Variants in ARRB1 observed in about 807,000 individuals in gnomAD.
ARRB1 encodes arrestin beta 1.
Under a neutral mutation model 56.8 loss-of-function variants are expected in ARRB1, and 21 were observed. That is an observed-to-expected ratio of 0.37 (90% CI 0.26 to 0.53). ARRB1 has a LOEUF of 0.53. Ranked by LOEUF, ARRB1 falls within the 20% of genes least tolerant of loss-of-function variation. The pLI, the probability that ARRB1 is intolerant of heterozygous loss-of-function variation, is 0.88. For synonymous variants in ARRB1, 210 were observed against 218.6 expected, an observed-to-expected ratio of 0.96 and a Z score of 0.35; for missense variants, 424 against 553.7, an observed-to-expected ratio of 0.77 and a Z score of 2.35.
intron 1 of ARRB1, among the ~76,000 whole-genome samples, chr11:75,308,205 T>G (rs557118125): frequency 3.3e-5 from 5 of 152,214 alleles, no homozygotes; most frequent in African/African-American, 1.2e-4. Flanking sequence ...CAAAGTACTT[T>G]GCCGACACTT....
intron 6 of ARRB1, chr11:75,281,710 C>T (rs1946346460): frequency 3.9e-6 from 2 of 518,554 alleles, no homozygotes; most frequent in Admixed American, 3.3e-5. Flanking sequence ...CACTTTGGTC[C>T]TGTTGCAGCC....
Position 75,288,063 on chromosome 11 carries a change from A to T in ARRB1, c.52-688T>A, listed in dbSNP as rs34415295. 7.3e-3 allele frequency among the ~76,000 whole-genome samples: 1,105 copies of T among 152,126 alleles called. 10 individuals are homozygous for T. Among genetic ancestry groups the T allele is most frequent in the African/African-American group, 0.024 (1,010 of 41,498 alleles). On this transcript the variant is annotated intron_variant, in intron 2 of 15. Coordinates refer to ENST00000420843, the MANE Select transcript of ARRB1 (RefSeq NM_004041.5). ...TTTATAGTAGAGATGGGGTTTCACC[A>T]TGTTGGTCAGGCTGGTCTCAAATTC...
chr11:75,271,022 C>T (rs1303579128), intron 13 of ARRB1: 3 of 151,918 alleles, frequency 2.0e-5, no homozygotes, highest in Middle Eastern at 3.2e-3. Context: ...AACCTTCTAC[C>T]GGGCCAGGAA....
chr11:75,287,328 G>A lies in ARRB1; in HGVS notation c.99C>T (p.Leu33=), dbSNP rs369734020. 20 of 1,557,272 alleles carry A rather than the reference G, an allele frequency of 1.3e-5. No homozygotes were observed. In the Admixed American group the frequency reaches 1.5e-4, roughly 12 times the overall value. ...CCAGGGACTCACCCACAGGGTCCAC[G>A]AGGTCGATGTGGTCCACAAAGTCCC... ...GKRDFVDHID[L]VDPVDGVVLV... is the part of the protein sequence containing the mutation. Residue 33 remains leucine (L), a synonymous_variant, in exon 3 of 16, where the codon CTC becomes CTT. Coordinates refer to ENST00000420843, the MANE Select transcript of ARRB1 (RefSeq NM_004041.5).
intron 1 of ARRB1, among the ~76,000 whole-genome samples, chr11:75,293,026 G>A (rs976274420): frequency 2.0e-5 from 3 of 151,824 alleles, no homozygotes; most frequent in Non-Finnish European, 4.4e-5. Context: ...CATCAACATC[G>A]GGAATAACAA....
chr11:75,267,616 C>G, intron 15 of ARRB1, 36 bp downstream of exon 15: 5 of 1,577,496 alleles, frequency 3.2e-6, no homozygotes, highest in Non-Finnish European at 4.3e-6. Context: ...CACCCGCGGC[C>G]CACCCCCGGA....
At position 75,272,987 on chromosome 11, in the gene ARRB1, T is replaced by A. The variant is rs1316132072; in HGVS notation, c.915-9A>T. 6.2e-7 allele frequency: 1 copy of A among 1,613,464 alleles called. No homozygotes were observed. Among genetic ancestry groups the A allele is most frequent in the Non-Finnish European group, 8.5e-7 (1 of 1,179,696 alleles). On this transcript the variant is annotated splice_polypyrimidine_tract_variant and intron_variant, in intron 11 of 15. Coordinates refer to ENST00000420843, the MANE Select transcript of ARRB1 (RefSeq NM_004041.5). ...TGGCACCTTCCCTCAACCTGCAAAGTGACACAGGGGAGCCAGTTCAGGGGC... is the reference window on the plus strand; with the variant it reads ...TGGCACCTTCCCTCAACCTGCAAAGAGACACAGGGGAGCCAGTTCAGGGGC...
chr11:75,324,575 G>A (rs1466966412), intron 1 of ARRB1, among the ~76,000 whole-genome samples: 3 of 152,126 alleles, frequency 2.0e-5, no homozygotes, highest in South Asian at 4.1e-4. Context: ...CCTGATCACC[G>A]TTGCCGAGCC....
intron 1 of ARRB1, among the ~76,000 whole-genome samples, chr11:75,316,969 G>A (rs567469085): frequency 6.6e-6 from 1 of 152,120 alleles, no homozygotes; most frequent in Non-Finnish European, 1.5e-5. Flanking sequence ...GGGAGACTGA[G>A]GCAGAAGAAT....
intron 1 of ARRB1, among the ~76,000 whole-genome samples, chr11:75,330,623 G>A (rs1947506613): frequency 6.6e-6 from 1 of 152,202 alleles, no homozygotes; most frequent in Non-Finnish European, 1.5e-5. Context: ...GGGTCTGCTA[G>A]GAATGGAATG....
intron 2 of ARRB1, 65 bp downstream of exon 2, chr11:75,289,944 T>C: frequency 6.2e-7 from 1 of 1,611,210 alleles, no homozygotes; most frequent in East Asian, 2.2e-5. Flanking sequence ...TTCCTCTGCT[T>C]CCCAAGAGAA....
At chr11:75,340,238 C>A (rs1394234164) in intron 1 of ARRB1, among the ~76,000 whole-genome samples, 2 of 152,244 alleles carry the variant, frequency 1.3e-5, no homozygotes, top group Non-Finnish European at 2.9e-5. Context: ...TCTAATGAGG[C>A]TTCCCCGCTT....
Position 75,261,161 on chromosome 11 carries a change from G to A in ARRB1, c.*5002C>T, listed in dbSNP as rs1461376607. ...CCAGAGCTTCAGGGTGGGTTGGCTAGAAAAACCATCAACTATGTACGTGTG... is the reference window on the plus strand; with the variant it reads ...CCAGAGCTTCAGGGTGGGTTGGCTAAAAAAACCATCAACTATGTACGTGTG... On this transcript the variant is annotated 3_prime_UTR_variant, in exon 16 of 16. Coordinates refer to ENST00000420843, the MANE Select transcript of ARRB1 (RefSeq NM_004041.5). 6.6e-6 allele frequency: 1 copy of A among 151,312 alleles called. No individual in the cohort carries two copies. Among genetic ancestry groups the A allele is most frequent in the East Asian group, 2.0e-4 (1 of 5,118 alleles). 9.4% of individuals were successfully genotyped at this position (151,312 alleles called of 1,614,324 possible).
At chr11:75,321,877 T>C (rs1205455059) in intron 1 of ARRB1, among the ~76,000 whole-genome samples, 1 of 152,226 alleles carries the variant, frequency 6.6e-6, no homozygotes, top group Non-Finnish European at 1.5e-5. Flanking sequence ...AAGGGCCCTG[T>C]CTACATAAAG....
chr11:75,336,585 G>A (rs150885791), intron 1 of ARRB1, among the ~76,000 whole-genome samples: 7 of 152,318 alleles, frequency 4.6e-5, no homozygotes, highest in Admixed American at 2.0e-4. Context: ...TTGCCCAGGA[G>A]TGAGCTGAGG....
intron 1 of ARRB1, among the ~76,000 whole-genome samples, chr11:75,307,100 A>G (rs540123): frequency 0.32 from 49,125 of 151,978 alleles, 8,142 homozygotes; most frequent in East Asian, 0.4. Context: ...CTTGCTGCAG[A>G]GGGCCTTCTT....
chr11:75,305,402 T>A (rs996269611), intron 1 of ARRB1, among the ~76,000 whole-genome samples: 2 of 152,172 alleles, frequency 1.3e-5, no homozygotes, highest in African/African-American at 4.8e-5. Context: ...GTTACTATCA[T>A]ACCCTCAAGG....
chr11:75,269,057 T>TGCC, intron 13 of ARRB1, 98 bp from the exon 14 acceptor site: 3 of 1,370,040 alleles, frequency 2.2e-6, no homozygotes, highest in Non-Finnish European at 3.1e-6. Context: ...CAGAGGGTTT[T>TGCC]GCCGTCAGAG....
chr11:75,346,663 G>T (rs973853560), intron 1 of ARRB1, among the ~76,000 whole-genome samples: 1 of 152,128 alleles, frequency 6.6e-6, no homozygotes, highest in African/African-American at 2.4e-5. Context: ...TCCTCTGTGG[G>T]TCTGTCCCTG....
Sources: gnomAD v4.1 joint callset for allele counts (sites outside exome capture counted in the v4.1 genomes callset) on GRCh38, gnomAD v4.1.1 for gene constraint, MANE v1.5 for transcripts, NCBI Gene and HGNC (gene_info 2026-07-23, HGNC 2026-07-21) for gene names.